Variants in DLG2 observed in about 807,000 individuals in gnomAD.
DLG2 encodes the protein discs large MAGUK scaffold protein 2.
Under a neutral mutation model 132.5 loss-of-function variants are expected in DLG2, and 45 were observed. The ratio of observed to expected loss-of-function variants is 0.34; its 90% confidence interval spans 0.27 to 0.44. The LOEUF (loss-of-function observed/expected upper bound fraction) is 0.44. Among genes scored for constraint, DLG2 ranks in the 20% least tolerant of loss-of-function variants. The pLI is 1.00. For missense variants in DLG2, 1,045 were observed against 1,196.9 expected (o/e 0.87, Z 1.87); for synonymous variants, 424 against 419.6 (o/e 1.01, Z -0.13).
chr11:84,839,234 C>A (rs536594942), intron 6 of DLG2, among the ~76,000 whole-genome samples: 1 of 152,142 alleles, frequency 6.6e-6, no homozygotes, highest in East Asian at 1.9e-4. Context: ...GAGTGAATTC[C>A]CATTCACAAT....
chr11:85,604,648 A>T (rs2080400170), intron 2 of DLG2, among the ~76,000 whole-genome samples: 1 of 152,010 alleles, frequency 6.6e-6, no homozygotes, highest in Non-Finnish European at 1.5e-5. Context: ...AAAAAAAGCT[A>T]AATTTGGATT....
intron 6 of DLG2, among the ~76,000 whole-genome samples, chr11:84,896,970 T>C (rs1041591953): frequency 6.6e-6 from 1 of 151,756 alleles, no homozygotes; most frequent in East Asian, 1.9e-4. Flanking sequence ...CTACTGTACA[T>C]ACAATTTTTT....
chr11:83,587,947 G>A (rs953925511), intron 19 of DLG2, among the ~76,000 whole-genome samples: 9 of 152,154 alleles, frequency 5.9e-5, no homozygotes, highest in African/African-American at 2.2e-4. Context: ...CTTAAAAAAT[G>A]GCGCACCACG....
At chr11:83,601,510 C>CT (rs71066054) in intron 19 of DLG2, among the ~76,000 whole-genome samples, 46,695 of 90,610 alleles carry the variant, frequency 0.52, 15,338 homozygotes, top group Middle Eastern at 0.83. Flanking sequence ...ATGTGATGTT[C>CT]TTTTTTTTTT....
chr11:84,363,059 G>C lies in DLG2; in HGVS notation c.520-111768C>G, dbSNP rs1469162402. Among the ~76,000 whole-genome samples the C allele has an allele frequency of 3.3e-5, 5 of 149,736 alleles. No homozygotes were observed. The East Asian group carries it at 9.8e-4, about 29-fold the overall frequency. On this transcript the variant is annotated intron_variant, in intron 7 of 27. Coordinates refer to ENST00000376104, the MANE Select transcript of DLG2 (RefSeq NM_001142699.3). ...ATGGCTGGGTCAAATGGTATTTCTA[G>C]TTCTAGATCCCTGAGGAATCGCCAC...
At chr11:84,709,227 C>T (rs560955302) in intron 6 of DLG2, among the ~76,000 whole-genome samples, 36 of 152,002 alleles carry the variant, frequency 2.4e-4, no homozygotes, top group Admixed American at 4.6e-4. Context: ...TTGGTGAATA[C>T]TCAGCGAAGG....
intron 6 of DLG2, among the ~76,000 whole-genome samples, chr11:84,570,649 T>A (rs2099479168): frequency 6.6e-6 from 1 of 152,156 alleles, no homozygotes; most frequent in Admixed American, 6.5e-5. Flanking sequence ...AATCCACCCC[T>A]TGTCAACTTC....
At chr11:83,746,415 A>G (rs2092914963) in intron 18 of DLG2, among the ~76,000 whole-genome samples, 1 of 152,338 alleles carries the variant, frequency 6.6e-6, no homozygotes, top group African/African-American at 2.4e-5. Flanking sequence ...TGATGAGTTC[A>G]TGTCCTTTGT....
chr11:85,471,300 T>C (rs2092976023), intron 3 of DLG2, among the ~76,000 whole-genome samples: 1 of 152,204 alleles, frequency 6.6e-6, no homozygotes, highest in South Asian at 2.1e-4. Context: ...TATATAAACA[T>C]AGATTTTTTA....
chr11:84,598,638 A>G (rs886153872), intron 6 of DLG2, among the ~76,000 whole-genome samples: 7 of 152,192 alleles, frequency 4.6e-5, no homozygotes, highest in South Asian at 2.1e-4. Context: ...TTAAAATCAT[A>G]TAACAGGCCA....
chr11:85,096,990 CCAA>C (rs765096618), intron 6 of DLG2, among the ~76,000 whole-genome samples: 3 of 152,174 alleles, frequency 2.0e-5, no homozygotes, highest in South Asian at 2.1e-4. Flanking sequence ...CTCCGGGGTC[CCAA>C]CAACAAGTTG....
At chr11:84,137,289 C>T (rs1010737302) in intron 9 of DLG2, among the ~76,000 whole-genome samples, 7 of 152,058 alleles carry the variant, frequency 4.6e-5, no homozygotes, top group Admixed American at 2.0e-4. Context: ...ATTTAATCTC[C>T]TTTTCTGGAC....
rs1439003699 is a variant in DLG2, at chr11:84,562,717, C to A, written c.358-27986G>T. Among the ~76,000 whole-genome samples the A allele has an allele frequency of 2.0e-5, 3 of 151,786 alleles. No individual in the cohort carries two copies. In the East Asian group the frequency reaches 5.8e-4, roughly 29 times the overall value. ...TATATTTCTTAGAATAAATAAATAT[C>A]CAACTCTTTACCTCTTTTTCTTTCT... On this transcript the variant is annotated intron_variant, in intron 6 of 27. Coordinates refer to ENST00000376104, the MANE Select transcript of DLG2 (RefSeq NM_001142699.3).
At chr11:84,386,797 G>A (rs530924305) in intron 7 of DLG2, among the ~76,000 whole-genome samples, 6 of 152,080 alleles carry the variant, frequency 3.9e-5, no homozygotes, top group African/African-American at 1.2e-4. Context: ...ATTTTAAAAT[G>A]CATCAAAATT....
At chr11:85,604,814 A>G (rs1364743183) in intron 2 of DLG2, among the ~76,000 whole-genome samples, 5 of 152,202 alleles carry the variant, frequency 3.3e-5, no homozygotes, top group Non-Finnish European at 7.4e-5. Flanking sequence ...TCAACTCTAT[A>G]TTGTACATGG....
chr11:85,503,840 G>A (rs2093862314), intron 3 of DLG2, among the ~76,000 whole-genome samples: 1 of 152,102 alleles, frequency 6.6e-6, no homozygotes, highest in African/African-American at 2.4e-5. Flanking sequence ...GCTGAGGCAT[G>A]AGGATCACTT....
At chr11:84,689,585 TC>T (rs1344333260) in intron 6 of DLG2, among the ~76,000 whole-genome samples, 3 of 152,098 alleles carry the variant, frequency 2.0e-5, no homozygotes, top group African/African-American at 7.2e-5. Flanking sequence ...ATTGACATCA[TC>T]TTTCTTGTAA....
intron 4 of DLG2, among the ~76,000 whole-genome samples, chr11:85,237,705 G>A (rs2075662546): frequency 6.6e-6 from 1 of 151,994 alleles, no homozygotes; most frequent in Non-Finnish European, 1.5e-5. Context: ...CAACTGACCA[G>A]CAATAATGTT....
intron 20 of DLG2, 147 bp downstream of exon 20, chr11:83,541,535 T>G: frequency 1.4e-6 from 1 of 730,944 alleles, no homozygotes; most frequent in Non-Finnish European, 2.1e-6. Context: ...TCATGTCACC[T>G]GTCACCACTG....
Sources: allele counts gnomAD v4.1 joint callset (sites outside exome capture counted in the v4.1 genomes callset), GRCh38; gene constraint gnomAD v4.1.1; transcripts MANE v1.5; gene names NCBI Gene and HGNC (gene_info 2026-07-23, HGNC 2026-07-21).